The following STPG2 variants were observed in gnomAD, a reference collection of about 807,000 sequenced individuals.
STPG2 encodes sperm-tail PG-rich repeat-containing protein 2.
A neutral mutation model predicts 54.2 loss-of-function variants in STPG2; 56 were observed. That is an observed-to-expected ratio of 1.03 (90% CI 0.83 to 1.29). STPG2 has a LOEUF of 1.29. STPG2 is among the 50% of genes most tolerant of loss of function. The pLI is 0.00. For missense variants in STPG2, 596 were observed against 544.9 expected, an observed-to-expected ratio of 1.09 and a Z score of -0.93; for synonymous variants, 200 against 181.8, an observed-to-expected ratio of 1.10 and a Z score of -0.81.
At chr4:97,638,457 C>A (rs1721638987) in intron 10 of STPG2, among the ~76,000 whole-genome samples, 1 of 152,090 alleles carries the variant, frequency 6.6e-6, no homozygotes, top group Admixed American at 6.5e-5. Flanking sequence ...GTCTAAAACA[C>A]CAAAAGCTAT....
rs1221542707 is a variant in STPG2 at position 97,739,268 on chromosome 4, T to A, written c.1205-26454A>T. ...TGCCTACAGGAGAAAGCAGGAAAGA[T>A]CCAAAATTGACACCCTAACATCACA... is the stretch of plus-strand genomic sequence containing the variant. On this transcript the variant is annotated intron_variant, in intron 9 of 10. Coordinates refer to ENST00000295268, the MANE Select transcript of STPG2 (RefSeq NM_174952.3). Among the ~76,000 whole-genome samples the A allele has an allele frequency of 7.9e-5, 12 of 151,916 alleles. No homozygotes were observed. In the Middle Eastern group the frequency reaches 0.014, roughly 172 times the overall value.
In STPG2 at chr4:97,733,276, A is replaced by G. The variant is rs1395262179; in HGVS notation, c.1205-20462T>C. On this transcript the variant is annotated intron_variant, in intron 9 of 10. Transcript: ENST00000295268. ...TTCAGCCACTAAAAGGAATGAAATAATGTCTTTTGCAGAAACTTGGATGGA... is the reference window on the plus strand; with the variant it reads ...TTCAGCCACTAAAAGGAATGAAATAGTGTCTTTTGCAGAAACTTGGATGGA... Among the ~76,000 whole-genome samples the G allele has an allele frequency of 2.0e-5, 3 of 152,198 alleles. No homozygotes were observed. The East Asian group carries it at 5.8e-4, about 29-fold the overall frequency.
intron 9 of STPG2, among the ~76,000 whole-genome samples, chr4:97,811,243 A>G (rs899698995): frequency 2.0e-5 from 3 of 152,130 alleles, no homozygotes; most frequent in African/African-American, 7.2e-5. Context: ...AATGCAAACT[A>G]GTTTCTAAAT....
At chr4:98,063,202 G>A (rs1737716703) in intron 5 of STPG2, among the ~76,000 whole-genome samples, 1 of 152,156 alleles carries the variant, frequency 6.6e-6, no homozygotes, top group African/African-American at 2.4e-5. Context: ...TGTAATCCCA[G>A]CACTTTGGGA....
At chr4:97,519,880 C>T (rs1021970259) in intron 4 of STPG2, among the ~76,000 whole-genome samples, 1 of 151,954 alleles carries the variant, frequency 6.6e-6, no homozygotes, top group Middle Eastern at 3.2e-3. Flanking sequence ...CTGAAATAAA[C>T]TAGTTGAAGG....
At chr4:97,676,320 C>T (rs944303834) in intron 10 of STPG2, among the ~76,000 whole-genome samples, 1 of 151,666 alleles carries the variant, frequency 6.6e-6, no homozygotes, top group Non-Finnish European at 1.5e-5. Context: ...AGCCTCAGCT[C>T]CTCTGCTGGA....
At chr4:98,007,697 C>A (rs987892514) in intron 5 of STPG2, among the ~76,000 whole-genome samples, 1 of 150,174 alleles carries the variant, frequency 6.7e-6, no homozygotes, top group Non-Finnish European at 1.5e-5. Flanking sequence ...ATCTTAAAAT[C>A]AATACAAAGA....
At chr4:97,710,356 C>CA (rs955696414) in intron 10 of STPG2, among the ~76,000 whole-genome samples, 13 of 151,830 alleles carry the variant, frequency 8.6e-5, no homozygotes, top group Middle Eastern at 3.4e-3. Flanking sequence ...AGATAATTTA[C>CA]AAAAAAATGA....
intron 4 of STPG2, among the ~76,000 whole-genome samples, chr4:97,491,161 A>C (rs1730496302): frequency 6.6e-6 from 1 of 151,410 alleles, no homozygotes; most frequent in Non-Finnish European, 1.5e-5. Flanking sequence ...GTTACTCCAA[A>C]TCCATACTCC....
At chr4:97,668,695 A>G (rs1722602785) in intron 10 of STPG2, among the ~76,000 whole-genome samples, 2 of 151,900 alleles carry the variant, frequency 1.3e-5, no homozygotes, top group East Asian at 3.9e-4. Context: ...AAGAAAGAAG[A>G]AAAGAAAAAC....
At chr4:97,845,944 C>G (rs1485800383) in intron 8 of STPG2, among the ~76,000 whole-genome samples, 1 of 152,068 alleles carries the variant, frequency 6.6e-6, no homozygotes, top group Admixed American at 6.6e-5. Flanking sequence ...ATTTGTGGGT[C>G]TTTTGAAAGT....
At chr4:97,896,835 C>G (rs1730973446) in intron 8 of STPG2, among the ~76,000 whole-genome samples, 1 of 151,698 alleles carries the variant, frequency 6.6e-6, no homozygotes, top group Non-Finnish European at 1.5e-5. Context: ...GAAAAATTCA[C>G]TAAAACATTA....
At chr4:98,025,302 A>G (rs1736377665) in intron 5 of STPG2, 1 of 194,304 alleles carries the variant, frequency 5.1e-6, no homozygotes, top group Non-Finnish European at 1.1e-5. Context: ...GTGTAAAAGG[A>G]AACAGAAGCT....
intron 9 of STPG2, among the ~76,000 whole-genome samples, chr4:97,769,369 G>A (rs1726156313): frequency 6.6e-6 from 1 of 152,104 alleles, no homozygotes; most frequent in South Asian, 2.1e-4. Flanking sequence ...TCCCAGACAT[G>A]TGAGCAAGCC....
chr4:97,740,391 G>C (rs1358845425), intron 9 of STPG2, among the ~76,000 whole-genome samples: 1 of 152,070 alleles, frequency 6.6e-6, no homozygotes, highest in Non-Finnish European at 1.5e-5. Flanking sequence ...GAAATAAAGG[G>C]TATTCAATTA....
intron 4 of STPG2, among the ~76,000 whole-genome samples, chr4:97,514,101 T>G (rs1731027919): frequency 1.3e-5 from 2 of 152,092 alleles, no homozygotes; most frequent in South Asian, 2.1e-4. Flanking sequence ...TATGCAAGCT[T>G]GGAAGGTAAA....
At chr4:97,620,591 C>T (rs1038576151) in intron 10 of STPG2, among the ~76,000 whole-genome samples, 1 of 152,070 alleles carries the variant, frequency 6.6e-6, no homozygotes, top group Non-Finnish European at 1.5e-5. Flanking sequence ...ATAAGAGGAC[C>T]TAAGTATCCT....
chr4:98,074,817 T>C (rs1262405005), intron 5 of STPG2, among the ~76,000 whole-genome samples: 1 of 152,206 alleles, frequency 6.6e-6, no homozygotes, highest in African/African-American at 2.4e-5. Context: ...AAATTCTTCA[T>C]CTCTTTCCTA....
intron 4 of STPG2, among the ~76,000 whole-genome samples, chr4:97,544,787 G>T (rs3864228): frequency 6.6e-6 from 1 of 151,794 alleles, no homozygotes; most frequent in Non-Finnish European, 1.5e-5. Flanking sequence ...CAGATATTAC[G>T]TTCTTTCAGG....
Sources: gnomAD v4.1 joint callset for allele counts (sites outside exome capture counted in the v4.1 genomes callset) on GRCh38, gnomAD v4.1.1 for gene constraint, MANE v1.5 for transcripts, NCBI Gene and HGNC (gene_info 2026-07-23, HGNC 2026-07-21) for gene names.